Variants in LTBP1 observed in about 807,000 individuals in gnomAD.
The protein encoded by LTBP1 is latent-transforming growth factor beta-binding protein 1.
A neutral mutation model predicts 207.6 loss-of-function variants in LTBP1; 129 were observed. The observed-to-expected ratio is 0.62, with a 90% CI of 0.54 to 0.72. LTBP1 has a LOEUF of 0.72. LTBP1 is among the 30% of genes least tolerant of loss of function. LTBP1 has a pLI of 0.00. For synonymous variants in LTBP1, 963 were observed against 833.7 expected (o/e 1.16, Z -2.67); for missense variants, 2,281 against 2,217.2 (o/e 1.03, Z -0.58).
intron 19 of LTBP1, among the ~76,000 whole-genome samples, chr2:33,286,919 C>T (rs991512507): frequency 2.6e-5 from 4 of 151,984 alleles, no homozygotes; most frequent in African/African-American, 9.7e-5. Flanking sequence ...CATCACACAC[C>T]AGGACCTGTT....
rs370627440 is a variant in LTBP1, at chr2:32,947,149, G to C, written c.-176G>C. The C allele has an allele frequency of 9.5e-4, 372 of 391,510 alleles. No homozygotes were observed. Among genetic ancestry groups the C allele is most frequent in the Non-Finnish European group, 1.4e-3 (323 of 231,992 alleles). The allele number at this position is 391,510 out of a possible 1,614,324, so 24.3% of individuals were successfully genotyped here. A position where few individuals can be genotyped will look rare whatever the true frequency, so the allele number is the denominator to read the frequency against. ...TCCCAGCCACAATCGGCCGGGGTCTGGGGCCGCTCAGCTGCCCGCAGAGCC... is the reference window on the plus strand; with the variant it reads ...TCCCAGCCACAATCGGCCGGGGTCTCGGGCCGCTCAGCTGCCCGCAGAGCC... On this transcript the variant is annotated 5_prime_UTR_variant, in exon 1 of 34. Transcript: ENST00000404816.
chr2:33,126,611 AT>A (rs943604932), intron 4 of LTBP1, among the ~76,000 whole-genome samples: 1 of 152,204 alleles, frequency 6.6e-6, no homozygotes, highest in Non-Finnish European at 1.5e-5. Context: ...TACATCAGTA[AT>A]TTTTTTATTG....
intron 24 of LTBP1, among the ~76,000 whole-genome samples, chr2:33,323,906 T>C (rs1307726692): frequency 1.3e-5 from 2 of 152,186 alleles, no homozygotes; most frequent in African/African-American, 4.8e-5. Context: ...GAAGTTATGC[T>C]GGTGAGTTTG....
chr2:33,365,186 T>C (rs1379279083), intron 30 of LTBP1, 147 bp from the exon 31 acceptor site: 9 of 668,966 alleles, frequency 1.3e-5, no homozygotes, highest in South Asian at 9.5e-5. Flanking sequence ...AATTGATCCA[T>C]TGAAAGACCA....
chr2:33,041,307 C>T (rs895811147), intron 3 of LTBP1, among the ~76,000 whole-genome samples: 10 of 151,762 alleles, frequency 6.6e-5, no homozygotes, highest in Admixed American at 2.0e-4. Flanking sequence ...TTTTTTGAGA[C>T]GGAGTCTCGC....
At chr2:33,381,351 A>G (rs1227999161) in intron 31 of LTBP1, among the ~76,000 whole-genome samples, 2 of 152,226 alleles carry the variant, frequency 1.3e-5, no homozygotes, top group African/African-American at 2.4e-5. Context: ...GTCTTGCTAA[A>G]TAAACAGCAG....
At chr2:32,995,224 G>A (rs743237) in intron 2 of LTBP1, among the ~76,000 whole-genome samples, 11,576 of 151,752 alleles carry the variant, frequency 0.076, 457 homozygotes, top group Middle Eastern at 0.11. Context: ...TACTCATAGC[G>A]AGGTTGAAAA....
chr2:33,341,356 C>A (rs932890159), intron 24 of LTBP1, among the ~76,000 whole-genome samples: 4 of 151,926 alleles, frequency 2.6e-5, no homozygotes, highest in Non-Finnish European at 4.4e-5. Context: ...GAGCCCCACC[C>A]AGAAAGGAGA....
intron 15 of LTBP1, among the ~76,000 whole-genome samples, chr2:33,266,928 G>A (rs576085477): frequency 1.3e-5 from 2 of 152,334 alleles, no homozygotes; most frequent in East Asian, 1.9e-4. Flanking sequence ...CCATGTTGAG[G>A]GTGCCGAGAA....
intron 9 of LTBP1, among the ~76,000 whole-genome samples, chr2:33,225,869 T>C (rs2091406081): frequency 6.6e-6 from 1 of 152,202 alleles, no homozygotes; most frequent in African/African-American, 2.4e-5. Flanking sequence ...TCACTTAACA[T>C]AATGTCCTCC....
chr2:33,059,061 G>T (rs2077144852), intron 3 of LTBP1, among the ~76,000 whole-genome samples: 1 of 152,196 alleles, frequency 6.6e-6, no homozygotes, highest in Non-Finnish European at 1.5e-5. Context: ...TTGTCTTACA[G>T]GAGCAGAAGG....
chr2:33,277,815 T>TCTCTCTC (rs1558933866), intron 18 of LTBP1, among the ~76,000 whole-genome samples: 3 of 86,022 alleles, frequency 3.5e-5, no homozygotes, highest in Non-Finnish European at 4.9e-5. Context: ...CTTTCTTTTT[T>TCTCTCTC]TCTTTCTTTC....
intron 3 of LTBP1, among the ~76,000 whole-genome samples, chr2:33,071,861 C>A (rs1417324445): frequency 1.3e-5 from 2 of 152,212 alleles, no homozygotes; most frequent in East Asian, 3.8e-4. Flanking sequence ...GCTTCCCCCA[C>A]TATACTCTCA....
chr2:33,270,433 C>CA (rs936472175), intron 15 of LTBP1, among the ~76,000 whole-genome samples: 1 of 151,024 alleles, frequency 6.6e-6, no homozygotes, highest in African/African-American at 2.4e-5. Context: ...ACTAAAAATA[C>CA]AAAAAAATTA....
chr2:32,977,134 TCTAGCAGGCATGGCCTGCCTGGCTA>T (rs1295843740), intron 2 of LTBP1, among the ~76,000 whole-genome samples: 3 of 152,228 alleles, frequency 2.0e-5, no homozygotes, highest in African/African-American at 4.8e-5. Context: ...GACTGGAAGC[TCTAGCAGGCATGGCCTGCCTGGCTA>T]CCGGCTTTGG....
intron 3 of LTBP1, among the ~76,000 whole-genome samples, chr2:33,064,003 G>C (rs577645565): frequency 1.3e-5 from 2 of 151,874 alleles, no homozygotes; most frequent in Non-Finnish European, 2.9e-5. Context: ...ACAGGCACCC[G>C]CCACCATGCC....
At chr2:33,011,869 A>G (rs1243211528) in intron 2 of LTBP1, among the ~76,000 whole-genome samples, 2 of 151,716 alleles carry the variant, frequency 1.3e-5, no homozygotes, top group Non-Finnish European at 2.9e-5. Context: ...GTCTATTCCC[A>G]TTTTGCTGCT....
chr2:33,155,635 A>G (rs2083914114), intron 5 of LTBP1, among the ~76,000 whole-genome samples: 5 of 151,736 alleles, frequency 3.3e-5, no homozygotes, highest in Admixed American at 3.3e-4. Context: ...GTCTCTGGGG[A>G]CAAAACCACC....
At chr2:33,245,203 G>A (rs1227849894) in intron 10 of LTBP1, among the ~76,000 whole-genome samples, 1 of 152,074 alleles carries the variant, frequency 6.6e-6, no homozygotes, top group Non-Finnish European at 1.5e-5. Context: ...TTTTAATGTG[G>A]CTTTGGTATA....
Sources: allele counts gnomAD v4.1 joint callset (sites outside exome capture counted in the v4.1 genomes callset), GRCh38; gene constraint gnomAD v4.1.1; transcripts MANE v1.5; gene names NCBI Gene and HGNC (gene_info 2026-07-23, HGNC 2026-07-21).